Variants in ADAMTS6 observed in about 807,000 individuals in gnomAD.
The protein encoded by ADAMTS6 is ADAM metallopeptidase with thrombospondin type 1 motif 6.
Under a neutral mutation model 144.3 loss-of-function variants are expected in ADAMTS6, and 23 were observed. That is an observed-to-expected ratio of 0.16 (90% CI 0.11 to 0.23). The LOEUF (loss-of-function observed/expected upper bound fraction) is 0.23. Ranked by LOEUF, ADAMTS6 falls within the 10% of genes least tolerant of loss-of-function variation. ADAMTS6 has a pLI of 1.00. For synonymous variants in ADAMTS6, 444 were observed against 457.5 expected (o/e 0.97, Z 0.38); for missense variants, 999 against 1,379.6 (o/e 0.72, Z 4.37).
chr5:65,440,833 A>G (rs1245564936), intron 7 of ADAMTS6, among the ~76,000 whole-genome samples: 3 of 152,182 alleles, frequency 2.0e-5, no homozygotes, highest in Non-Finnish European at 4.4e-5. Flanking sequence ...TAAACTGAAC[A>G]CTGAATTGGT....
chr5:65,227,324 CAG>C (rs1382689387), intron 15 of ADAMTS6, among the ~76,000 whole-genome samples: 1 of 152,104 alleles, frequency 6.6e-6, no homozygotes, highest in African/African-American at 2.4e-5. Flanking sequence ...TTTTAAAAAA[CAG>C]AGTACATATC....
chr5:65,156,178 A>G (rs1166939999), intron 24 of ADAMTS6, among the ~76,000 whole-genome samples: 1 of 152,182 alleles, frequency 6.6e-6, no homozygotes, highest in Admixed American at 6.6e-5. Flanking sequence ...AATTATGCTG[A>G]TGTCGTTGAG....
intron 20 of ADAMTS6, among the ~76,000 whole-genome samples, chr5:65,202,306 A>G (rs1755789668): frequency 6.6e-6 from 1 of 152,252 alleles, no homozygotes; most frequent in Non-Finnish European, 1.5e-5. Context: ...GTATTTTTCT[A>G]GAACAACTGT....
chr5:65,250,709 C>T (rs1760083725), intron 14 of ADAMTS6, among the ~76,000 whole-genome samples: 1 of 152,148 alleles, frequency 6.6e-6, no homozygotes. Context: ...CTATCATAAT[C>T]ATATTATCAA....
At chr5:65,321,407 T>C (rs1218820269) in intron 9 of ADAMTS6, among the ~76,000 whole-genome samples, 1 of 152,172 alleles carries the variant, frequency 6.6e-6, no homozygotes. Context: ...TCTTGTAAAT[T>C]TGTTTAAGTT....
chr5:65,452,633 A>G, intron 5 of ADAMTS6, 74 bp downstream of exon 5: 1 of 1,514,622 alleles, frequency 6.6e-7, no homozygotes, highest in Non-Finnish European at 9.0e-7. Context: ...TTTACTTCAC[A>G]GCAAAAATTT....
At chr5:65,422,637 T>C (rs1756160423) in intron 7 of ADAMTS6, among the ~76,000 whole-genome samples, 1 of 102,548 alleles carries the variant, frequency 9.8e-6, no homozygotes, top group Non-Finnish European at 1.9e-5. Context: ...TAAAAATAAA[T>C]AAAAAAATTA....
chr5:65,198,274 A>G (rs1755516632), intron 20 of ADAMTS6, among the ~76,000 whole-genome samples: 1 of 152,192 alleles, frequency 6.6e-6, no homozygotes, highest in East Asian at 1.9e-4. Context: ...AGTATCCAGG[A>G]AACCACAGCT....
chr5:65,405,081 C>T (rs1030042099), intron 7 of ADAMTS6, among the ~76,000 whole-genome samples: 16 of 152,124 alleles, frequency 1.1e-4, no homozygotes, highest in Admixed American at 1.0e-3. Context: ...AAAATTTTCT[C>T]CCATTCTGTA....
intron 3 of ADAMTS6, among the ~76,000 whole-genome samples, chr5:65,466,859 A>G (rs55682148): frequency 0.015 from 2,351 of 152,162 alleles, 26 homozygotes; most frequent in Non-Finnish European, 0.023. Flanking sequence ...TGGCTAACAC[A>G]GTGAAACCCC....
At chr5:65,305,273 C>T (rs575036766) in intron 9 of ADAMTS6, among the ~76,000 whole-genome samples, 2 of 152,192 alleles carry the variant, frequency 1.3e-5, no homozygotes, top group East Asian at 1.9e-4. Flanking sequence ...TCATTTCAAA[C>T]TTAAAAAGTA....
At chr5:65,428,097 G>A (rs778540869) in intron 7 of ADAMTS6, among the ~76,000 whole-genome samples, 1 of 151,812 alleles carries the variant, frequency 6.6e-6, no homozygotes, top group Non-Finnish European at 1.5e-5. Flanking sequence ...GTGGTGGTGT[G>A]TGCCTATAGT....
intron 10 of ADAMTS6, among the ~76,000 whole-genome samples, chr5:65,293,443 C>A (rs1340603350): frequency 6.6e-6 from 1 of 151,912 alleles, no homozygotes; most frequent in Non-Finnish European, 1.5e-5. Flanking sequence ...TTTGGTGACA[C>A]CAACTTATTT....
intron 7 of ADAMTS6, among the ~76,000 whole-genome samples, chr5:65,435,799 T>C (rs1352807582): frequency 6.6e-6 from 1 of 151,962 alleles, no homozygotes; most frequent in Non-Finnish European, 1.5e-5. Flanking sequence ...CTAATTTTTG[T>C]ATTTTTAGCA....
chr5:65,242,788 A>C (rs1383144263), intron 14 of ADAMTS6, among the ~76,000 whole-genome samples: 8 of 152,150 alleles, frequency 5.3e-5, no homozygotes, highest in Non-Finnish European at 8.8e-5. Context: ...ACTTATTATG[A>C]TTTACATTTA....
At chr5:65,371,594 A>G (rs1360007991) in intron 7 of ADAMTS6, among the ~76,000 whole-genome samples, 1 of 152,196 alleles carries the variant, frequency 6.6e-6, no homozygotes, top group African/African-American at 2.4e-5. Context: ...AGAAACGAAC[A>G]AAGCCTCCAA....
intron 9 of ADAMTS6, among the ~76,000 whole-genome samples, chr5:65,310,770 T>C (rs1037665371): frequency 6.6e-6 from 1 of 152,162 alleles, no homozygotes; most frequent in African/African-American, 2.4e-5. Flanking sequence ...TAAATGAAAA[T>C]AACTGAAGAA....
At chr5:65,393,216 A>G (rs1007124059) in intron 7 of ADAMTS6, among the ~76,000 whole-genome samples, 2 of 152,168 alleles carry the variant, frequency 1.3e-5, no homozygotes, top group Non-Finnish European at 2.9e-5. Flanking sequence ...GGACATATGG[A>G]AAGTTGGCCA....
At chr5:65,430,144 A>G (rs1756874725) in intron 7 of ADAMTS6, among the ~76,000 whole-genome samples, 1 of 148,122 alleles carries the variant, frequency 6.8e-6, no homozygotes, top group African/African-American at 2.5e-5. Context: ...TAATTTAAAT[A>G]ACAATAAAAT....
Sources: gnomAD v4.1 joint callset for allele counts (sites outside exome capture counted in the v4.1 genomes callset) on GRCh38, gnomAD v4.1.1 for gene constraint, MANE v1.5 for transcripts, NCBI Gene and HGNC (gene_info 2026-07-23, HGNC 2026-07-21) for gene names.